FCHO1: variants seen among roughly 807,000 people sequenced by gnomAD.
FCHO1 encodes F-BAR domain only protein 1.
Under a neutral mutation model 114.4 loss-of-function variants are expected in FCHO1, and 45 were observed. The observed-to-expected ratio is 0.39, with a 90% CI of 0.31 to 0.50. FCHO1 has a LOEUF of 0.50. FCHO1 is among the 20% of genes least tolerant of loss of function. The probability of loss-of-function intolerance (pLI) is 0.77; values close to 1 mark genes in which losing one functional copy is unlikely to be tolerated. For missense variants in FCHO1, 1,042 were observed against 1,209.6 expected, an observed-to-expected ratio of 0.86 and a Z score of 2.06; for synonymous variants, 480 against 488.9, an observed-to-expected ratio of 0.98 and a Z score of 0.24.
At chr19:17,765,874 T>G (rs1342795863) in intron 6 of FCHO1, among the ~76,000 whole-genome samples, 4 of 143,798 alleles carry the variant, frequency 2.8e-5, no homozygotes, top group African/African-American at 7.7e-5. Context: ...TGTGGTGTCT[T>G]AGTCACTCTT....
chr19:17,778,982 A>T (rs2093018218), intron 20 of FCHO1, 98 bp downstream of exon 20: 2 of 1,282,780 alleles, frequency 1.6e-6, no homozygotes, highest in East Asian at 5.2e-5. Flanking sequence ...CTGGAGACAC[A>T]GCCAGGACCA....
intron 4 of FCHO1, among the ~76,000 whole-genome samples, chr19:17,762,217 C>G (rs2146564007): frequency 6.6e-6 from 1 of 152,154 alleles, no homozygotes; most frequent in Middle Eastern, 3.4e-3. Context: ...AACTCCTGAC[C>G]TCAAGTGAAC....
chr19:17,750,584 G>A (rs1025476325), upstream of FCHO1, among the ~76,000 whole-genome samples: 1 of 150,972 alleles, frequency 6.6e-6, no homozygotes, highest in Non-Finnish European at 1.5e-5. Context: ...TCAGCCTCCC[G>A]AGTAGCTGGG....
upstream of FCHO1, among the ~76,000 whole-genome samples, chr19:17,748,221 G>T (rs1167806683): frequency 1.3e-5 from 2 of 152,086 alleles, no homozygotes; most frequent in African/African-American, 4.8e-5. Flanking sequence ...CCTCTTCCCA[G>T]CTCCGGCCTG....
At chr19:17,757,807 T>G (rs563672363) in intron 4 of FCHO1, among the ~76,000 whole-genome samples, 1 of 150,112 alleles carries the variant, frequency 6.7e-6, no homozygotes, top group South Asian at 2.1e-4. Context: ...TCCCAGCTAC[T>G]TGGGAGGCTG....
chr19:17,783,436 C>A (rs1417786435), intron 24 of FCHO1, among the ~76,000 whole-genome samples: 1 of 150,256 alleles, frequency 6.7e-6, no homozygotes, highest in East Asian at 2.0e-4. Context: ...CAGCTAATTT[C>A]TTTCGTATTT....
In FCHO1 at chr19:17,770,366, A is replaced by C; in HGVS notation, c.337-59A>C. The C allele has an allele frequency of 2.0e-6, 3 of 1,503,022 alleles. No individual in the cohort carries two copies. The African/African-American group carries it at 4.2e-5, about 21-fold the overall frequency. 93.1% of individuals were successfully genotyped at this position (1,503,022 alleles called of 1,614,324 possible). On this transcript the variant is annotated intron_variant, in intron 7 of 28. Coordinates refer to ENST00000596536, the MANE Select transcript of FCHO1 (RefSeq NM_015122.3). ...AGACTGTGGAGCTGACATCACGTGG[A>C]GTGTTTGGGAGGTCAGGAATTTCAC...
At chr19:17,754,902 T>C (rs2146293902) in intron 3 of FCHO1, 2 of 502,616 alleles carry the variant, frequency 4.0e-6, no homozygotes, top group South Asian at 2.0e-5. Flanking sequence ...CTCTGTGGAA[T>C]TGGGGGCATC....
intron 4 of FCHO1, among the ~76,000 whole-genome samples, chr19:17,759,501 G>A (rs553984047): frequency 6.6e-5 from 10 of 151,784 alleles, no homozygotes; most frequent in African/African-American, 7.2e-5. Flanking sequence ...GGGATTACAC[G>A]CATGAGACAC....
At chr19:17,769,697 T>A (rs1697518783) in intron 7 of FCHO1, among the ~76,000 whole-genome samples, 1 of 152,166 alleles carries the variant, frequency 6.6e-6, no homozygotes, top group Non-Finnish European at 1.5e-5. Context: ...AGAACAAGCA[T>A]CTTTATCCAT....
chr19:17,787,544 C>T lies in FCHO1; in HGVS notation c.2483-138C>T, dbSNP rs1225775100. On this transcript the variant is annotated intron_variant, in intron 27 of 28. Transcript: ENST00000596536. ...CCAGTGATGCCAGGAGAGACAGATG[C>T]AGGGGATCAAAGGGAGGTCTGATGG... 3 of 942,010 alleles carry T rather than the reference C, an allele frequency of 3.2e-6. No individual in the cohort carries two copies. The East Asian group carries it at 8.1e-5, about 25-fold the overall frequency. The allele number at this position is 942,010 out of a possible 1,614,324, so 58.4% of individuals were successfully genotyped here.
intron 9 of FCHO1, among the ~76,000 whole-genome samples, chr19:17,771,805 T>C (rs1303311748): frequency 6.6e-6 from 1 of 152,120 alleles, no homozygotes; most frequent in Non-Finnish European, 1.5e-5. Flanking sequence ...GGCAGGAAAT[T>C]GTGAATTTCT....
intron 7 of FCHO1, 72 bp from the exon 8 acceptor site, chr19:17,770,353 T>G: frequency 2.1e-6 from 3 of 1,434,312 alleles, no homozygotes; most frequent in Non-Finnish European, 2.8e-6. Context: ...ACTGTGGAGC[T>G]GACATCACGT....
At chr19:17,774,840 C>T in intron 13 of FCHO1, 1 of 589,080 alleles carries the variant, frequency 1.7e-6, no homozygotes, top group South Asian at 2.2e-5. Context: ...AGGATTCCTT[C>T]CCTCCCAGGC....
intron 9 of FCHO1, among the ~76,000 whole-genome samples, chr19:17,771,683 T>G (rs1376906819): frequency 6.6e-6 from 1 of 151,644 alleles, no homozygotes; most frequent in Non-Finnish European, 1.5e-5. Context: ...AAATAAAAAA[T>G]AAAATAAAAA....
intron 26 of FCHO1, among the ~76,000 whole-genome samples, chr19:17,785,300 A>C (rs957535522): frequency 6.6e-6 from 1 of 152,130 alleles, no homozygotes; most frequent in Non-Finnish European, 1.5e-5. Flanking sequence ...GCTCACTGCA[A>C]TCTCCGCCTC....
At position 17,776,612 on chromosome 19, in the gene FCHO1, T is replaced by C. The variant is rs1471805350; in HGVS notation, c.1208-23T>C. ...ATTGCAGGCAGGGTGACAAGAAGGC[T>C]GAAGGAGGTGCATCTCTTGTAGGGG... On this transcript the variant is annotated intron_variant, in intron 17 of 28. Transcript: ENST00000596536. The surrounding 1 kb of genome is among the most constrained non-coding windows in gnomAD (Gnocchi z 4.4). 1 of 1,613,662 alleles carries C rather than the reference T, an allele frequency of 6.2e-7. No individual in the cohort carries two copies. The highest frequency in any genetic ancestry group is 1.1e-5 in the South Asian group (1 of 91,068).
Position 17,788,558 on chromosome 19 carries a change from C to T in FCHO1, c.*252C>T. 9.6e-6 allele frequency: 5 copies of T among 519,386 alleles called. No homozygotes were observed. 32.2% of individuals were successfully genotyped at this position (519,386 alleles called of 1,614,324 possible). On this transcript the variant is annotated 3_prime_UTR_variant, in exon 29 of 29. Coordinates refer to ENST00000596536, the MANE Select transcript of FCHO1 (RefSeq NM_015122.3). ...TTTTCTAATAAAATAAAAAAGGAAA[C>T]CTTTTCCTGCTCCAGGAAGTATCCT... is the stretch of plus-strand genomic sequence containing the variant.
chr19:17,783,176 C>G lies in FCHO1; in HGVS notation c.2093+4C>G, dbSNP rs1395698898. 1 of 1,612,940 alleles carries G rather than the reference C, an allele frequency of 6.2e-7. No homozygotes were observed. Among genetic ancestry groups the G allele is most frequent in the African/African-American group, 1.3e-5 (1 of 74,908 alleles). On this transcript the variant is annotated splice_donor_region_variant and intron_variant, in intron 24 of 28. Coordinates refer to ENST00000596536, the MANE Select transcript of FCHO1 (RefSeq NM_015122.3). Reference sequence around the variant, plus strand: ...CCAACGCCGATCTGCTGTTCAGGTACTATGGAGGGGCAGTGGGAGAGGGCC... The same window carrying G: ...CCAACGCCGATCTGCTGTTCAGGTAGTATGGAGGGGCAGTGGGAGAGGGCC...
Sources: gnomAD v4.1 joint callset for allele counts (sites outside exome capture counted in the v4.1 genomes callset) on GRCh38, gnomAD v4.1.1 for gene constraint, Gnocchi (gnomAD v3.1) non-coding constraint, MANE v1.5 for transcripts, NCBI Gene and HGNC (gene_info 2026-07-23, HGNC 2026-07-21) for gene names.